The following PTPRN2 variants were observed in gnomAD, a reference collection of about 807,000 sequenced individuals.
PTPRN2 encodes protein tyrosine phosphatase receptor type N2, also known as receptor-type tyrosine-protein phosphatase N2.
A neutral mutation model predicts 118.8 loss-of-function variants in PTPRN2; 74 were observed. The ratio of observed to expected loss-of-function variants is 0.62; its 90% CI spans 0.52 to 0.76. The LOEUF is 0.76. Ranked by LOEUF, PTPRN2 falls within the 30% of genes least tolerant of loss-of-function variation. The pLI, the probability that PTPRN2 is intolerant of heterozygous loss-of-function variation, is 0.00. For synonymous variants in PTPRN2, 641 were observed against 608.0 expected (o/e 1.05, Z -0.80); for missense variants, 1,481 against 1,394.4 (o/e 1.06, Z -0.99).
intron 5 of PTPRN2, among the ~76,000 whole-genome samples, chr7:158,171,294 CATAT>C (rs771143653): frequency 1.6e-5 from 1 of 62,162 alleles, no homozygotes; most frequent in Non-Finnish European, 2.8e-5. Context: ...TATATACACA[CATAT>C]ATATACACAC....
In PTPRN2 at chr7:158,525,871, G is replaced by A. The variant is rs1319465422; in HGVS notation, c.113-36086C>T. On this transcript the variant is annotated intron_variant, in intron 1 of 22. Coordinates refer to ENST00000389418, the MANE Select transcript of PTPRN2 (RefSeq NM_002847.5). This position sits in a 1 kb window ranked among gnomAD's most constrained non-coding sequence, Gnocchi z 4.1. The stretch of plus-strand genomic sequence containing the variant: ...AGCCCCGATGATACAGGGTGAAGAC[G>A]CCTCCCCTCACAGACCTCAGACCTG... Among the ~76,000 whole-genome samples, 2 of 152,100 alleles carry A rather than the reference G, an allele frequency of 1.3e-5. No individual in the cohort carries two copies. The highest frequency in any genetic ancestry group is 2.9e-5 in the Non-Finnish European group (2 of 68,020).
At chr7:158,447,730 G>A (rs555310536) in intron 2 of PTPRN2, among the ~76,000 whole-genome samples, 116 of 152,358 alleles carry the variant, frequency 7.6e-4, no homozygotes, top group East Asian at 2.9e-3. Flanking sequence ...TTAGCCAAGC[G>A]GGCAGTGAAG....
chr7:158,164,393 GC>G, intron 6 of PTPRN2, among the ~76,000 whole-genome samples: 1 of 37,758 alleles, frequency 2.6e-5, no homozygotes, highest in African/African-American at 5.9e-5. Flanking sequence ...GGAAGGACAC[GC>G]AGAGCAGGAG....
intron 9 of PTPRN2, among the ~76,000 whole-genome samples, chr7:158,121,687 C>T (rs117991979): frequency 6.6e-6 from 1 of 152,318 alleles, no homozygotes; most frequent in East Asian, 1.9e-4. Context: ...ACTCCTACAA[C>T]ACCCTGAACA....
intron 3 of PTPRN2, among the ~76,000 whole-genome samples, chr7:158,232,174 T>G (rs539302070): frequency 6.6e-6 from 1 of 151,808 alleles, no homozygotes; most frequent in Admixed American, 6.6e-5. Flanking sequence ...AAACAAAAAG[T>G]TTTTTGAAAA....
At chr7:157,604,158 AC>A in intron 15 of PTPRN2, 83 bp from the exon 16 acceptor site, 1 of 1,258,414 alleles carries the variant, frequency 7.9e-7, no homozygotes, top group Non-Finnish European at 1.1e-6. Context: ...AGGGCCCCCC[AC>A]CCAGCAGCAC....
chr7:158,406,244 C>T (rs374196596), intron 2 of PTPRN2, among the ~76,000 whole-genome samples: 1 of 132,230 alleles, frequency 7.6e-6, no homozygotes, highest in African/African-American at 2.9e-5. Context: ...ACTGAGATCC[C>T]GGTGGCTCAT....
intron 11 of PTPRN2, among the ~76,000 whole-genome samples, chr7:157,957,933 A>C (rs924574772): frequency 1.6e-4 from 24 of 152,228 alleles, no homozygotes; most frequent in African/African-American, 5.8e-4. Flanking sequence ...CAGACACTAC[A>C]AGCAAACAAA....
At chr7:158,160,364 G>T (rs1326807886) in intron 6 of PTPRN2, among the ~76,000 whole-genome samples, 1 of 152,158 alleles carries the variant, frequency 6.6e-6, no homozygotes, top group Non-Finnish European at 1.5e-5. Flanking sequence ...CTCCCTCTGA[G>T]TGCTGGGGCA....
At chr7:158,507,588 C>T (rs888165155) in intron 1 of PTPRN2, among the ~76,000 whole-genome samples, 1 of 147,132 alleles carries the variant, frequency 6.8e-6, no homozygotes, top group African/African-American at 2.5e-5. Context: ...AAATTGCACA[C>T]ACGAAGGTCA....
At chr7:158,157,612 G>T (rs1821943409) in intron 6 of PTPRN2, among the ~76,000 whole-genome samples, 1 of 152,208 alleles carries the variant, frequency 6.6e-6, no homozygotes, top group African/African-American at 2.4e-5. Context: ...CCACACGCAG[G>T]TCCGAGGCTG....
intron 14 of PTPRN2, among the ~76,000 whole-genome samples, chr7:157,650,165 C>A (rs917101841): frequency 1.3e-5 from 2 of 152,206 alleles, no homozygotes; most frequent in Non-Finnish European, 2.9e-5. Flanking sequence ...TTTCCCCTTC[C>A]CTGCTGGTTT....
intron 12 of PTPRN2, among the ~76,000 whole-genome samples, chr7:157,755,351 TG>T (rs1801719613): frequency 6.6e-6 from 1 of 152,260 alleles, no homozygotes; most frequent in South Asian, 2.1e-4. Context: ...TGATGATGTT[TG>T]TTATTTTAAA....
chr7:158,082,233 G>T lies in PTPRN2; in HGVS notation c.1644-856C>A, dbSNP rs376446988. 5.3e-5 allele frequency among the ~76,000 whole-genome samples: 8 copies of T among 152,320 alleles called. No homozygotes were observed. The South Asian group carries it at 1.7e-3, about 32-fold the overall frequency. On this transcript the variant is annotated intron_variant, in intron 10 of 22. Coordinates refer to ENST00000389418, the MANE Select transcript of PTPRN2 (RefSeq NM_002847.5). ...GGGAGGTGCCTGCACTGACATCTAA[G>T]CTGTGAAACTGGGTACCATGTAGCC...
chr7:158,527,280 G>C (rs1824856806), intron 1 of PTPRN2, among the ~76,000 whole-genome samples: 1 of 151,824 alleles, frequency 6.6e-6, no homozygotes, highest in South Asian at 2.1e-4. Context: ...CGCGTCCTGG[G>C]CCTCCCTGAC....
intron 22 of PTPRN2, among the ~76,000 whole-genome samples, chr7:157,545,805 G>T (rs1368165748): frequency 6.6e-6 from 1 of 152,104 alleles, no homozygotes; most frequent in South Asian, 2.1e-4. Context: ...CACCCTCGAC[G>T]GCTCGCTCTT....
rs907854957 is a variant in PTPRN2, at chr7:157,570,626, G to C, written c.2837+814C>G. Among the ~76,000 whole-genome samples the C allele has an allele frequency of 4.6e-5, 7 of 152,302 alleles. 1 individual carries two copies. In the South Asian group the frequency reaches 1.4e-3, roughly 32 times the overall value. On this transcript the variant is annotated intron_variant, in intron 20 of 22. Coordinates refer to ENST00000389418, the MANE Select transcript of PTPRN2 (RefSeq NM_002847.5). ...TCTTTGCGTAAAATCTATTCTTACTGGTGTGGTTTTAACGTACTTAGGGAT... is the reference window on the plus strand; with the variant it reads ...TCTTTGCGTAAAATCTATTCTTACTCGTGTGGTTTTAACGTACTTAGGGAT...
intron 13 of PTPRN2, among the ~76,000 whole-genome samples, chr7:157,670,863 G>T: frequency 6.6e-6 from 1 of 152,320 alleles, no homozygotes; most frequent in Non-Finnish European, 1.5e-5. Context: ...CAAGTCATCC[G>T]CCTTCAGAGC....
intron 12 of PTPRN2, among the ~76,000 whole-genome samples, chr7:157,805,958 G>T (rs1366430049): frequency 2.0e-5 from 3 of 152,166 alleles, no homozygotes; most frequent in Admixed American, 1.3e-4. Context: ...GCACCGGCTG[G>T]GTGACGGCCC....
Sources: allele counts gnomAD v4.1 joint callset (sites outside exome capture counted in the v4.1 genomes callset), GRCh38; gene constraint gnomAD v4.1.1; non-coding constraint Gnocchi (gnomAD v3.1); transcripts MANE v1.5; gene names NCBI Gene and HGNC (gene_info 2026-07-23, HGNC 2026-07-21).